The following ZDHHC17 variants were observed in gnomAD, a reference collection of about 807,000 sequenced individuals.
ZDHHC17 encodes the protein palmitoyltransferase ZDHHC17.
A neutral mutation model predicts 90.3 loss-of-function variants in ZDHHC17; 40 were observed. That is an observed-to-expected ratio of 0.44 (90% CI 0.34 to 0.58). The LOEUF is 0.58. ZDHHC17 is among the 20% of genes least tolerant of loss of function. The pLI is 0.01. For synonymous variants in ZDHHC17, 235 were observed against 252.4 expected, an observed-to-expected ratio of 0.93 and a Z score of 0.65; for missense variants, 614 against 780.8, an observed-to-expected ratio of 0.79 and a Z score of 2.55.
chr12:76,776,466 T>TA (rs777312200), intron 1 of ZDHHC17, among the ~76,000 whole-genome samples: 3 of 152,170 alleles, frequency 2.0e-5, no homozygotes, highest in Non-Finnish European at 4.4e-5. Context: ...TAAATATATA[T>TA]TTTACATACA....
intron 7 of ZDHHC17, among the ~76,000 whole-genome samples, chr12:76,820,395 C>G (rs1402626045): frequency 6.6e-6 from 1 of 152,014 alleles, no homozygotes; most frequent in South Asian, 2.1e-4. Context: ...GTGGTAGTAT[C>G]TCATTTGTGA....
chr12:76,847,892 A>T (rs542863942), intron 14 of ZDHHC17, among the ~76,000 whole-genome samples: 2 of 152,206 alleles, frequency 1.3e-5, no homozygotes, highest in African/African-American at 4.8e-5. Flanking sequence ...CTATTATGTT[A>T]TATGCCCTCT....
At chr12:76,770,383 C>G (rs1160260231) in intron 1 of ZDHHC17, among the ~76,000 whole-genome samples, 1 of 152,144 alleles carries the variant, frequency 6.6e-6, no homozygotes, top group Non-Finnish European at 1.5e-5. Context: ...GTGTGCTTTG[C>G]TACAAGGGAG....
At chr12:76,803,917 A>G (rs1313548459) in intron 2 of ZDHHC17, among the ~76,000 whole-genome samples, 1 of 152,208 alleles carries the variant, frequency 6.6e-6, no homozygotes, top group African/African-American at 2.4e-5. Context: ...AGCTAGTTAA[A>G]TGCCATCAGC....
Position 76,776,609 on chromosome 12 carries a change from G to A in ZDHHC17, c.93+12280G>A, listed in dbSNP as rs117672742. Among the ~76,000 whole-genome samples the A allele has an allele frequency of 8.5e-3, 1,286 of 152,158 alleles. 25 individuals are homozygous for A. Among genetic ancestry groups the A allele is most frequent in the Admixed American group, 0.036 (552 of 15,282 alleles). On this transcript the variant is annotated intron_variant, in intron 1 of 16. Coordinates refer to ENST00000426126, the MANE Select transcript of ZDHHC17 (RefSeq NM_015336.4). Reference sequence around the variant, plus strand: ...TCTTCCCTATTCTTTGTAGTGTCTGGACCTGCATTGTTCAATGGTGACCAC... The same window carrying A: ...TCTTCCCTATTCTTTGTAGTGTCTGAACCTGCATTGTTCAATGGTGACCAC...
intron 5 of ZDHHC17, among the ~76,000 whole-genome samples, chr12:76,814,256 T>C (rs1197123721): frequency 6.6e-6 from 1 of 151,976 alleles, no homozygotes; most frequent in African/African-American, 2.4e-5. Flanking sequence ...GTTTTAGTTA[T>C]AATTTGCTAA....
intron 10 of ZDHHC17, among the ~76,000 whole-genome samples, chr12:76,831,752 TCCTC>T (rs566024770): frequency 6.6e-6 from 1 of 152,126 alleles, no homozygotes; most frequent in Non-Finnish European, 1.5e-5. Context: ...GCTCAGGTGA[TCCTC>T]CCACCTCAGC....
At chr12:76,837,416 G>T (rs1953380477) in intron 10 of ZDHHC17, among the ~76,000 whole-genome samples, 1 of 152,140 alleles carries the variant, frequency 6.6e-6, no homozygotes, top group African/African-American at 2.4e-5. Flanking sequence ...GACCCTTTGA[G>T]CCTAGGAGTT....
At chr12:76,835,854 T>G (rs1467870116) in intron 10 of ZDHHC17, among the ~76,000 whole-genome samples, 1 of 152,082 alleles carries the variant, frequency 6.6e-6, no homozygotes, top group African/African-American at 2.4e-5. Context: ...GGGCTAGTAT[T>G]TTACCAGTGA....
At position 76,849,335 on chromosome 12, in the gene ZDHHC17, A is replaced by AAAC. The variant is rs755851874; in HGVS notation, c.1666-39_1666-38insCAA. On this transcript the variant is annotated intron_variant, in intron 15 of 16. Transcript: ENST00000426126. ...CAAGGTCCTGTCTCAAAAAAAAAAAAAAAAAACAAGAATAATGGTTTGCTT... is the reference window on the plus strand; with the variant it reads ...CAAGGTCCTGTCTCAAAAAAAAAAAAAACAAAAAACAAGAATAATGGTTTGCTT... 48 of 1,119,036 alleles carry AAAC rather than the reference A, an allele frequency of 4.3e-5. 1 individual carries two copies. The East Asian group carries it at 1.2e-3, about 29-fold the overall frequency. The allele number at this position is 1,119,036 out of a possible 1,614,324, so 69.3% of individuals were successfully genotyped here. A position where few individuals can be genotyped will look rare whatever the true frequency, so the allele number is the denominator to read the frequency against.
chr12:76,815,234 T>G, intron 6 of ZDHHC17, 24 bp downstream of exon 6: 1 of 1,491,388 alleles, frequency 6.7e-7, no homozygotes, highest in Non-Finnish European at 9.1e-7. Flanking sequence ...ATAAAAAACT[T>G]ATTTAGGCCA....
intron 1 of ZDHHC17, among the ~76,000 whole-genome samples, chr12:76,792,417 A>G (rs1757831549): frequency 6.6e-6 from 1 of 152,234 alleles, no homozygotes; most frequent in Non-Finnish European, 1.5e-5. Flanking sequence ...AAGGTATGCA[A>G]ATAAACATGT....
At chr12:76,769,691 C>G (rs2137708126) in intron 1 of ZDHHC17, among the ~76,000 whole-genome samples, 1 of 152,136 alleles carries the variant, frequency 6.6e-6, no homozygotes, top group Admixed American at 6.5e-5. Flanking sequence ...AGCTTAGTAA[C>G]TACTATGCTT....
At chr12:76,767,491 A>G (rs753549299) in intron 1 of ZDHHC17, among the ~76,000 whole-genome samples, 10 of 152,308 alleles carry the variant, frequency 6.6e-5, no homozygotes, top group Non-Finnish European at 1.3e-4. Flanking sequence ...TTTTTAATGA[A>G]TTAAATCATC....
chr12:76,802,088 C>G (rs2137752425), intron 2 of ZDHHC17, among the ~76,000 whole-genome samples: 1 of 152,280 alleles, frequency 6.6e-6, no homozygotes, highest in African/African-American at 2.4e-5. Flanking sequence ...TCTAGTGTCC[C>G]TTAATTTCAC....
intron 1 of ZDHHC17, among the ~76,000 whole-genome samples, chr12:76,791,339 C>T (rs977992266): frequency 1.3e-5 from 2 of 152,040 alleles, no homozygotes; most frequent in African/African-American, 4.8e-5. Flanking sequence ...TATGATATGC[C>T]TAGAATTTAG....
chr12:76,815,735 G>T, intron 6 of ZDHHC17, 122 bp from the exon 7 acceptor site: 1 of 1,014,146 alleles, frequency 9.9e-7, no homozygotes, highest in Non-Finnish European at 1.4e-6. Context: ...TTGTTGAGTA[G>T]GTTAGAAGTG....
At chr12:76,801,462 G>C (rs535415451) in intron 2 of ZDHHC17, among the ~76,000 whole-genome samples, 53 of 151,638 alleles carry the variant, frequency 3.5e-4, no homozygotes, top group South Asian at 6.3e-4. Context: ...GACCATCCTG[G>C]CTAACATGGT....
chr12:76,813,923 A>C (rs1953054107), intron 5 of ZDHHC17, among the ~76,000 whole-genome samples: 1 of 152,108 alleles, frequency 6.6e-6, no homozygotes, highest in Admixed American at 6.6e-5. Context: ...GGAGCTAGGA[A>C]GTCAAAACCA....
Sources: allele counts gnomAD v4.1 joint callset (sites outside exome capture counted in the v4.1 genomes callset), GRCh38; gene constraint gnomAD v4.1.1; transcripts MANE v1.5; gene names NCBI Gene and HGNC (gene_info 2026-07-23, HGNC 2026-07-21).